DAGLA: variants seen among roughly 807,000 people sequenced by gnomAD.
The protein encoded by DAGLA is diacylglycerol lipase-alpha.
A neutral mutation model predicts 102.6 loss-of-function variants in DAGLA; 22 were observed. The ratio of observed to expected loss-of-function variants is 0.21; its 90% CI spans 0.15 to 0.31. The LOEUF is 0.31. Ranked by LOEUF, DAGLA falls within the 10% of genes least tolerant of loss-of-function variation. The pLI is 1.00. For synonymous variants in DAGLA, 578 were observed against 628.9 expected, an observed-to-expected ratio of 0.92 and a Z score of 1.21; for missense variants, 927 against 1,446.6, an observed-to-expected ratio of 0.64 and a Z score of 5.83.
intron 6 of DAGLA, 58 bp downstream of exon 6, chr11:61,726,140 G>A: frequency 6.6e-7 from 1 of 1,517,132 alleles, no homozygotes; most frequent in Non-Finnish European, 9.1e-7. Context: ...GTGATTAAGG[G>A]GCTGTTGGCT....
chr11:61,685,491 C>T (rs1376414866), intron 1 of DAGLA, among the ~76,000 whole-genome samples: 1 of 152,128 alleles, frequency 6.6e-6, no homozygotes, highest in Non-Finnish European at 1.5e-5. Flanking sequence ...ATATCTTAGC[C>T]TTGAGGAATG....
At position 61,723,583 on chromosome 11, in the gene DAGLA, G is replaced by A. The variant is rs112867969; in HGVS notation, c.548+11G>A. The A allele has an allele frequency of 3.7e-5, 59 of 1,611,036 alleles. 1 individual carries two copies. Among genetic ancestry groups the A allele is most frequent in the African/African-American group, 5.3e-5 (4 of 74,968 alleles). On this transcript the variant is annotated intron_variant, in intron 5 of 19. Transcript: ENST00000257215. ...GACCTACAACCTGCGGTCAGTCAGC[G>A]GGCTGGGTGGGCAGTCCCAGGGTGG...
intron 17 of DAGLA, 101 bp downstream of exon 17, chr11:61,739,762 G>T: frequency 7.9e-7 from 1 of 1,262,984 alleles, no homozygotes; most frequent in Non-Finnish European, 1.1e-6. Flanking sequence ...GGGGCTGGGG[G>T]TGGAGGCTGG....
rs952745748 is a variant in DAGLA at position 61,734,884 on chromosome 11, C to T, written c.1010C>T (p.Pro337Leu). ...CLCPARPRFA[P>L]GVTIEEDNCC... ...TGTCCTGCGAGGCCGCGGTTCGCCC[C>T]TGGAGTCACCATCGAGGAAGACAAC... is the stretch of plus-strand genomic sequence containing the variant. Residue 337 changes from proline to leucine, a missense_variant, in exon 10 of 20, where the codon CCT (proline) becomes CTT (leucine). By Grantham distance (98) the Pro-to-Leu change is moderately conservative. Transcript: ENST00000257215. This position sits in a 1 kb window ranked among gnomAD's most constrained non-coding sequence, Gnocchi z 4.2. 2 of 1,614,100 alleles carry T rather than the reference C, an allele frequency of 1.2e-6. No individual in the cohort carries two copies. The highest frequency in any genetic ancestry group is 1.7e-6 in the Non-Finnish European group (2 of 1,179,952).
intron 1 of DAGLA, among the ~76,000 whole-genome samples, chr11:61,717,381 C>T (rs568438172): frequency 6.6e-6 from 1 of 152,228 alleles, no homozygotes; most frequent in Admixed American, 6.5e-5. Flanking sequence ...CACCCCAGAC[C>T]TTGACTTGTT....
At chr11:61,687,837 G>T (rs1415464321) in intron 1 of DAGLA, among the ~76,000 whole-genome samples, 3 of 152,228 alleles carry the variant, frequency 2.0e-5, no homozygotes, top group Non-Finnish European at 2.9e-5. Flanking sequence ...ATAACAAGGA[G>T]CATGGGACTG....
chr11:61,703,571 C>A (rs2065125502), intron 1 of DAGLA, among the ~76,000 whole-genome samples: 1 of 152,152 alleles, frequency 6.6e-6, no homozygotes, highest in South Asian at 2.1e-4. Flanking sequence ...CAGGCAGAGG[C>A]CAGGCCACAG....
In DAGLA at chr11:61,744,579, A is replaced by G. The variant is rs1354113652; in HGVS notation, c.*90A>G. On this transcript the variant is annotated 3_prime_UTR_variant, in exon 20 of 20. Transcript: ENST00000257215. ...TGCCCCCTGCCGGGCAGCTTTAAGG[A>G]CAGACCCCCAGGGGCAGTTTAGCCT... The G allele has an allele frequency of 5.1e-6, 6 of 1,165,400 alleles. No individual in the cohort carries two copies. The highest frequency in any genetic ancestry group is 7.2e-6 in the Non-Finnish European group (6 of 832,094). 72.2% of individuals were successfully genotyped at this position (1,165,400 alleles called of 1,614,324 possible).
At position 61,720,875 on chromosome 11, in the gene DAGLA, C is replaced by T. The variant is rs1180789401; in HGVS notation, c.292C>T (p.Leu98Phe). The T allele has an allele frequency of 6.2e-7, 1 of 1,612,676 alleles. No individual in the cohort carries two copies. The highest frequency in any genetic ancestry group is 8.5e-7 in the Non-Finnish European group (1 of 1,179,592). ...TEPRDSMQYV[L>F]YVRLAILVIE... Reference sequence around the variant, plus strand: ...GCCCCGTGACTCCATGCAGTACGTGCTCTACGTGCGCCTGGGTAAGGGCCA... The same window carrying T: ...GCCCCGTGACTCCATGCAGTACGTGTTCTACGTGCGCCTGGGTAAGGGCCA... The change falls in exon 3 of 20, where the codon CTC becomes TTC. Residue 98 changes from leucine (L) to phenylalanine (F), a missense_variant. By Grantham distance (22) the Leu-to-Phe change is conservative. Transcript: ENST00000257215.
intron 5 of DAGLA, among the ~76,000 whole-genome samples, chr11:61,724,408 G>A (rs926235888): frequency 2.0e-5 from 3 of 152,190 alleles, no homozygotes; most frequent in Non-Finnish European, 4.4e-5. Flanking sequence ...CGGCATGGTT[G>A]TGAGATCCAT....
chr11:61,691,626 G>T (rs2065025591), intron 1 of DAGLA, among the ~76,000 whole-genome samples: 1 of 152,242 alleles, frequency 6.6e-6, no homozygotes, highest in Admixed American at 6.5e-5. Context: ...ACAGGGGCAG[G>T]CTCCACCATG....
At chr11:61,731,710 G>C (rs994036056) in intron 9 of DAGLA, among the ~76,000 whole-genome samples, 8 of 152,178 alleles carry the variant, frequency 5.3e-5, no homozygotes, top group Non-Finnish European at 8.8e-5. Flanking sequence ...TTCTTTATCT[G>C]CGAAGTGGAG....
chr11:61,725,961 T>C, intron 5 of DAGLA, 34 bp from the exon 6 acceptor site: 1 of 1,597,362 alleles, frequency 6.3e-7, no homozygotes, highest in Non-Finnish European at 8.6e-7. Flanking sequence ...TCCAGCCCTC[T>C]GACCTCACAC....
chr11:61,728,252 C>T lies in DAGLA; in HGVS notation c.736C>T (p.Arg246Trp), dbSNP rs755679985. Residue 246 changes from arginine to tryptophan, a missense_variant, in exon 7 of 20, where the codon CGG (arginine) becomes TGG (tryptophan). Physicochemically the swap from Arg to Trp is moderately radical, Grantham distance 101. This residue lies in a region of DAGLA where 231 missense variants were observed against 439.8 expected (regional missense o/e 0.53). Transcript: ENST00000257215. ...TGCTGGCCTGGTGCTGCTCCGGCAG[C>T]GGCAGCGGGCCAAGCGCAACGCCGT... The part of the protein sequence containing the change: ...IIAGLVLLRQ[R>W]QRAKRNAVLD... 8.1e-6 allele frequency: 13 copies of T among 1,613,596 alleles called. No individual in the cohort carries two copies. Among genetic ancestry groups the T allele is most frequent in the South Asian group, 2.2e-5 (2 of 91,080 alleles).
intron 1 of DAGLA, among the ~76,000 whole-genome samples, chr11:61,710,175 A>C (rs12274157): frequency 0.17 from 26,201 of 152,032 alleles, 2,515 homozygotes; most frequent in East Asian, 0.27. Context: ...CCTCTCAAGG[A>C]AGTTCTGAGA....
At chr11:61,726,219 C>G in intron 6 of DAGLA, 137 bp downstream of exon 6, 1 of 772,456 alleles carries the variant, frequency 1.3e-6, no homozygotes, top group Non-Finnish European at 2.2e-6. Flanking sequence ...GCAAGTATGG[C>G]CTGCTCACAC....
At chr11:61,737,438 T>G in intron 14 of DAGLA, 114 bp downstream of exon 14, 2 of 1,477,422 alleles carry the variant, frequency 1.4e-6, no homozygotes, top group Non-Finnish European at 1.9e-6. Context: ...CATGGAGGTC[T>G]GGGAGTGGCC....
intron 1 of DAGLA, among the ~76,000 whole-genome samples, chr11:61,683,814 C>T (rs759243715): frequency 1.1e-4 from 17 of 152,134 alleles, no homozygotes; most frequent in Non-Finnish European, 1.8e-4. Flanking sequence ...TCATTGTGCA[C>T]AGATGCTGAT....
rs989180504 is a variant in DAGLA, at chr11:61,729,151, C to T, written c.849+143C>T. ...GTCTCCCCCCGGCTCTCCAGAGAGC[C>T]TCTCTGCTCAGATCATGCCCCTCAC... is the stretch of plus-strand genomic sequence containing the variant. On this transcript the variant is annotated intron_variant, in intron 8 of 19. Coordinates refer to ENST00000257215, the MANE Select transcript of DAGLA (RefSeq NM_006133.3). 11 of 716,186 alleles carry T rather than the reference C, an allele frequency of 1.5e-5. No individual in the cohort carries two copies. In the South Asian group the frequency reaches 1.9e-4, roughly 12 times the overall value. 44.4% of individuals were successfully genotyped at this position (716,186 alleles called of 1,614,324 possible). A position where few individuals can be genotyped will look rare whatever the true frequency, so the allele number is the denominator to read the frequency against.
Sources: gnomAD v4.1 joint callset for allele counts (sites outside exome capture counted in the v4.1 genomes callset) on GRCh38, gnomAD v4.1.1 for gene constraint, gnomAD v4.1.1 regional missense constraint, Gnocchi (gnomAD v3.1) non-coding constraint, MANE v1.5 for transcripts, NCBI Gene and HGNC (gene_info 2026-07-23, HGNC 2026-07-21) for gene names.